AGBL4: variants seen among roughly 807,000 people sequenced by gnomAD.
AGBL4 encodes AGBL carboxypeptidase 4.
In AGBL4, 58 loss-of-function variants were observed where a neutral mutation model predicts 66.4. That is an observed-to-expected ratio of 0.87 (90% confidence interval 0.71 to 1.09). The LOEUF is 1.09. AGBL4 is among the 50% of genes least tolerant of loss of function. AGBL4 has a pLI of 0.00. For missense variants in AGBL4, 579 were observed against 631.0 expected (o/e 0.92, Z 0.88); for synonymous variants, 234 against 222.9 (o/e 1.05, Z -0.44).
At position 49,207,209 on chromosome 1, in the gene AGBL4, G is replaced by A. The variant is rs535296118; in HGVS notation, c.377+38561C>T. On this transcript the variant is annotated intron_variant, in intron 4 of 13. Coordinates refer to ENST00000371839, the MANE Select transcript of AGBL4 (RefSeq NM_032785.4). The stretch of plus-strand genomic sequence containing the variant: ...TGATCCTGTCATTGGAAGTCTATCA[G>A]TGGCAGAATCCAAATTCTCTTACCC... Among the ~76,000 whole-genome samples, 17 of 152,188 alleles carry A rather than the reference G, an allele frequency of 1.1e-4. No homozygotes were observed. The East Asian group carries it at 3.3e-3, about 30-fold the overall frequency.
rs138763472 is a variant in AGBL4 at position 48,652,705 on chromosome 1, C to T, written c.839+632G>A. Among the ~76,000 whole-genome samples, 310 of 152,248 alleles carry T rather than the reference C, an allele frequency of 2.0e-3. 1 individual carries two copies. Among genetic ancestry groups the T allele is most frequent in the African/African-American group, 7.1e-3 (293 of 41,542 alleles). On this transcript the variant is annotated intron_variant, in intron 8 of 13. Coordinates refer to ENST00000371839, the MANE Select transcript of AGBL4 (RefSeq NM_032785.4). Reference sequence around the variant, plus strand: ...ATAACACTATCTATCTCAAATGAGTCGGTGTTTTTTTGGCAGATAATCTTC... The same window carrying T: ...ATAACACTATCTATCTCAAATGAGTTGGTGTTTTTTTGGCAGATAATCTTC...
intron 5 of AGBL4, among the ~76,000 whole-genome samples, chr1:49,029,169 C>T (rs1369013201): frequency 1.3e-5 from 2 of 152,146 alleles, no homozygotes; most frequent in African/African-American, 2.4e-5. Context: ...AAGAAGTCTG[C>T]TCTTGCCACT....
intron 4 of AGBL4, among the ~76,000 whole-genome samples, chr1:49,162,230 GTGA>G (rs1204643442): frequency 3.3e-5 from 5 of 151,956 alleles, no homozygotes; most frequent in Admixed American, 1.3e-4. Flanking sequence ...GATGATGGTG[GTGA>G]TGATGATGAT....
intron 3 of AGBL4, among the ~76,000 whole-genome samples, chr1:49,285,252 A>C (rs902216524): frequency 5.9e-5 from 9 of 152,182 alleles, no homozygotes; most frequent in Admixed American, 2.0e-4. Flanking sequence ...AAACTGAACA[A>C]CCTGCTCCTG....
intron 1 of AGBL4, among the ~76,000 whole-genome samples, chr1:49,949,810 T>TA (rs1379401413): frequency 4.0e-5 from 6 of 151,432 alleles, no homozygotes; most frequent in Non-Finnish European, 7.4e-5. Flanking sequence ...CTTAAAGAAC[T>TA]AAAAGTAAAA....
chr1:49,119,391 C>T lies in AGBL4; in HGVS notation c.378-73591G>A, dbSNP rs941675243. Among the ~76,000 whole-genome samples, 5 of 152,018 alleles carry T rather than the reference C, an allele frequency of 3.3e-5. No homozygotes were observed. The East Asian group carries it at 5.8e-4, about 18-fold the overall frequency. On this transcript the variant is annotated intron_variant, in intron 4 of 13. Coordinates refer to ENST00000371839, the MANE Select transcript of AGBL4 (RefSeq NM_032785.4). Reference sequence around the variant, plus strand: ...TAAATGTGTTCCAGAGATTCTGGTACATTGTGTCTTTGTTCTCATTGGTTT... The same window carrying T: ...TAAATGTGTTCCAGAGATTCTGGTATATTGTGTCTTTGTTCTCATTGGTTT...
At chr1:48,995,041 C>T (rs1435414009) in intron 5 of AGBL4, among the ~76,000 whole-genome samples, 5 of 152,186 alleles carry the variant, frequency 3.3e-5, no homozygotes. Flanking sequence ...GCTTCCTTGG[C>T]TGTCTATTTA....
chr1:49,993,939 T>TA (rs2148407391), intron 1 of AGBL4, among the ~76,000 whole-genome samples: 1 of 152,342 alleles, frequency 6.6e-6, no homozygotes, highest in Non-Finnish European at 1.5e-5. Context: ...TCATTCCCAT[T>TA]GTTCAAGACC....
chr1:49,032,666 C>G (rs976416609), intron 5 of AGBL4, among the ~76,000 whole-genome samples: 10 of 152,092 alleles, frequency 6.6e-5, no homozygotes, highest in Admixed American at 5.9e-4. Flanking sequence ...AGCCTGGAAA[C>G]CTGTTCACCT....
chr1:48,573,707 G>A (rs1644605224), intron 11 of AGBL4, among the ~76,000 whole-genome samples: 1 of 152,142 alleles, frequency 6.6e-6, no homozygotes, highest in African/African-American at 2.4e-5. Context: ...CTTCATGGAA[G>A]TTTCCATGAA....
At chr1:49,456,635 T>C (rs1261593297) in intron 3 of AGBL4, among the ~76,000 whole-genome samples, 1 of 151,640 alleles carries the variant, frequency 6.6e-6, no homozygotes, top group East Asian at 1.9e-4. Context: ...ATATGAATGT[T>C]ATTGAGTGTC....
chr1:50,003,557 G>A lies in AGBL4; in HGVS notation c.34+20206C>T, dbSNP rs1208628879. On this transcript the variant is annotated intron_variant, in intron 1 of 13. Transcript: ENST00000371839. ...AGCACTAAATATTCATAGTACTTAAGGTAGCTGGCAATGATAAACAGCATA... is the reference window on the plus strand; with the variant it reads ...AGCACTAAATATTCATAGTACTTAAAGTAGCTGGCAATGATAAACAGCATA... Among the ~76,000 whole-genome samples the A allele has an allele frequency of 2.0e-5, 3 of 152,246 alleles. No individual in the cohort carries two copies. The East Asian group carries it at 5.8e-4, about 29-fold the overall frequency.
intron 1 of AGBL4, among the ~76,000 whole-genome samples, chr1:49,984,453 C>T (rs1659338133): frequency 6.6e-6 from 1 of 152,208 alleles, no homozygotes; most frequent in South Asian, 2.1e-4. Flanking sequence ...TCTTATGTAA[C>T]ATACGTGTTT....
At chr1:49,510,434 GT>G (rs1193216493) in intron 3 of AGBL4, among the ~76,000 whole-genome samples, 49 of 150,052 alleles carry the variant, frequency 3.3e-4, no homozygotes, top group Middle Eastern at 7.1e-3. Flanking sequence ...GGGGTTGTTT[GT>G]TTTTTTCTTG....
chr1:49,157,120 A>G (rs1285105903), intron 4 of AGBL4, among the ~76,000 whole-genome samples: 2 of 151,986 alleles, frequency 1.3e-5, no homozygotes, highest in Non-Finnish European at 2.9e-5. Flanking sequence ...GTTCTAGGGT[A>G]TATGTGCAGA....
At chr1:48,808,799 C>T (rs901306133) in intron 6 of AGBL4, among the ~76,000 whole-genome samples, 1 of 152,202 alleles carries the variant, frequency 6.6e-6, no homozygotes, top group Non-Finnish European at 1.5e-5. Context: ...GGCACTTTCT[C>T]TCCCTGGAGC....
intron 4 of AGBL4, among the ~76,000 whole-genome samples, chr1:49,185,942 C>G (rs1202659896): frequency 2.6e-5 from 4 of 152,118 alleles, no homozygotes; most frequent in Non-Finnish European, 5.9e-5. Context: ...GTTGTGAACT[C>G]TAGCCCTGTG....
chr1:49,174,160 G>A (rs1323916639), intron 4 of AGBL4, among the ~76,000 whole-genome samples: 2 of 152,126 alleles, frequency 1.3e-5, no homozygotes, highest in Non-Finnish European at 2.9e-5. Context: ...AATGGGCAAT[G>A]AAGTTAATTT....
In AGBL4 at chr1:49,696,342, C is replaced by T. The variant is rs147270623; in HGVS notation, c.282+971G>A. Reference sequence around the variant, plus strand: ...ACTGTCTCTCATGAAAAATAGGATTCGAAAGTATTATAAAAACGTGCACTA... The same window carrying T: ...ACTGTCTCTCATGAAAAATAGGATTTGAAAGTATTATAAAAACGTGCACTA... On this transcript the variant is annotated intron_variant, in intron 3 of 13. Transcript: ENST00000371839. Among the ~76,000 whole-genome samples, 730 of 151,758 alleles carry T rather than the reference C, an allele frequency of 4.8e-3. 2 individuals carry two copies. Among genetic ancestry groups the T allele is most frequent in the Non-Finnish European group, 8.0e-3 (545 of 67,890 alleles).
Sources: allele counts gnomAD v4.1 joint callset (sites outside exome capture counted in the v4.1 genomes callset), GRCh38; gene constraint gnomAD v4.1.1; transcripts MANE v1.5; gene names NCBI Gene and HGNC (gene_info 2026-07-23, HGNC 2026-07-21).